The following THSD4 variants were observed in gnomAD, a reference collection of about 807,000 sequenced individuals.
THSD4 encodes thrombospondin type 1 domain containing 4.
Under a neutral mutation model 119.0 loss-of-function variants are expected in THSD4, and 69 were observed. The observed-to-expected ratio is 0.58, with a 90% confidence interval of 0.48 to 0.71. The LOEUF (loss-of-function observed/expected upper bound fraction) is 0.71, where lower values mean the gene tolerates loss of function less well. Among genes scored for constraint, THSD4 ranks in the 30% least tolerant of loss-of-function variants. The probability of loss-of-function intolerance (pLI) is 0.00; values close to 1 mark genes in which losing one functional copy is unlikely to be tolerated. For missense variants in THSD4, 1,393 were observed against 1,391.1 expected (o/e 1.00, Z -0.02); for synonymous variants, 524 against 540.4 (o/e 0.97, Z 0.42).
intron 8 of THSD4, among the ~76,000 whole-genome samples, chr15:71,678,876 C>T (rs1447808486): frequency 6.6e-6 from 1 of 152,320 alleles, no homozygotes; most frequent in South Asian, 2.1e-4. Context: ...CACCCTTTAA[C>T]TTTCTTTGTG....
chr15:71,247,625 T>A (rs961940515), intron 5 of THSD4, among the ~76,000 whole-genome samples: 19 of 151,904 alleles, frequency 1.3e-4, no homozygotes, highest in African/African-American at 4.6e-4. Context: ...CCCTTTGCAG[T>A]CCTGTAAGGG....
intron 6 of THSD4, among the ~76,000 whole-genome samples, chr15:71,349,699 T>A (rs2045719054): frequency 1.3e-5 from 2 of 152,198 alleles, no homozygotes; most frequent in African/African-American, 4.8e-5. Flanking sequence ...AGAACAAGAT[T>A]GCTGAGTTAG....
At position 71,500,482 on chromosome 15, in the gene THSD4, A is replaced by G. The variant is rs141725647; in HGVS notation, c.1152+88659A>G. Among the ~76,000 whole-genome samples the G allele has an allele frequency of 3.8e-4, 58 of 152,270 alleles. 1 individual carries two copies. The highest frequency in any genetic ancestry group is 1.4e-3 in the African/African-American group (57 of 41,554). Reference sequence around the variant, plus strand: ...CTGAGCAGAAGTTTTTAAGTTTGATATAATATCATTTGTCTATTTTTGTTT... The same window carrying G: ...CTGAGCAGAAGTTTTTAAGTTTGATGTAATATCATTTGTCTATTTTTGTTT... On this transcript the variant is annotated intron_variant, in intron 7 of 17. Transcript: ENST00000261862.
At chr15:71,256,168 G>T (rs1248891379) in intron 5 of THSD4, among the ~76,000 whole-genome samples, 1 of 152,166 alleles carries the variant, frequency 6.6e-6, no homozygotes, top group Non-Finnish European at 1.5e-5. Context: ...AGGTAGAAGA[G>T]GGCTGGTATT....
intron 6 of THSD4, among the ~76,000 whole-genome samples, chr15:71,322,459 G>A (rs1007292876): frequency 1.3e-5 from 2 of 152,072 alleles, no homozygotes; most frequent in Non-Finnish European, 2.9e-5. Flanking sequence ...CCTGATACGG[G>A]GTAATAGAAT....
intron 7 of THSD4, among the ~76,000 whole-genome samples, chr15:71,635,691 A>T (rs988208689): frequency 1.3e-5 from 2 of 152,174 alleles, no homozygotes; most frequent in Non-Finnish European, 2.9e-5. Flanking sequence ...AAAATCAAAT[A>T]CTAATTTTCT....
intron 6 of THSD4, among the ~76,000 whole-genome samples, chr15:71,273,554 C>T (rs1036375892): frequency 6.6e-6 from 1 of 152,004 alleles, no homozygotes; most frequent in African/African-American, 2.4e-5. Context: ...GTTCTCACCA[C>T]AAAGAAATAA....
intron 7 of THSD4, among the ~76,000 whole-genome samples, chr15:71,468,175 TCC>T (rs1014513528): frequency 5.9e-5 from 9 of 152,126 alleles, no homozygotes; most frequent in African/African-American, 2.2e-4. Flanking sequence ...AAAGGGGAGC[TCC>T]CATGCACACG....
At chr15:71,300,568 A>G (rs2044934830) in intron 6 of THSD4, among the ~76,000 whole-genome samples, 1 of 152,226 alleles carries the variant, frequency 6.6e-6, no homozygotes, top group African/African-American at 2.4e-5. Flanking sequence ...TAAATTCCTC[A>G]GCACATATTC....
chr15:71,577,735 T>TTTATTTTATTTTATTTTATTTTA (rs1567045075), intron 7 of THSD4, among the ~76,000 whole-genome samples: 54 of 150,226 alleles, frequency 3.6e-4, no homozygotes, highest in South Asian at 1.3e-3. Context: ...TTTATTTTAT[T>TTTATTTTATTTTATTTTATTTTA]TTTGAGACGG....
intron 3 of THSD4, among the ~76,000 whole-genome samples, chr15:71,181,081 C>T (rs11072258): frequency 0.87 from 131,894 of 152,196 alleles, 59,911 homozygotes; most frequent in East Asian, 1. Flanking sequence ...AAGAATAGCA[C>T]AGGGCGTGCA....
chr15:71,368,484 G>A (rs2045998635), intron 6 of THSD4, among the ~76,000 whole-genome samples: 1 of 152,220 alleles, frequency 6.6e-6, no homozygotes. Flanking sequence ...AAGGGATCCA[G>A]TTTCAGCTTT....
At chr15:71,635,309 C>T (rs1280943797) in intron 7 of THSD4, among the ~76,000 whole-genome samples, 1 of 152,092 alleles carries the variant, frequency 6.6e-6, no homozygotes, top group Non-Finnish European at 1.5e-5. Context: ...GACAAAAAGA[C>T]CCTTTCACAG....
At chr15:71,488,961 C>G (rs9672312) in intron 7 of THSD4, among the ~76,000 whole-genome samples, 310 of 152,284 alleles carry the variant, frequency 2.0e-3, no homozygotes, top group African/African-American at 7.1e-3. Flanking sequence ...TTTCTACCTT[C>G]AAATACCCAA....
chr15:71,332,763 G>A (rs2140375520), intron 6 of THSD4, among the ~76,000 whole-genome samples: 1 of 152,184 alleles, frequency 6.6e-6, no homozygotes, highest in East Asian at 1.9e-4. Flanking sequence ...AAATATTTGA[G>A]TGATGAATTC....
intron 7 of THSD4, among the ~76,000 whole-genome samples, chr15:71,486,473 C>T (rs80278457): frequency 0.19 from 28,399 of 152,080 alleles, 2,631 homozygotes; most frequent in Middle Eastern, 0.23. Context: ...TCCGTAAATG[C>T]CCATTCTCTC....
rs2053570606 is a variant in THSD4 at position 71,757,935 on chromosome 15, C to T, written c.2449C>T (p.Arg817Cys). 1 of 1,613,904 alleles carries T rather than the reference C, an allele frequency of 6.2e-7. No individual in the cohort carries two copies. The highest frequency in any genetic ancestry group is 8.5e-7 in the Non-Finnish European group (1 of 1,180,020). Reference sequence around the variant, plus strand: ...GGAGTGTGGGGCCGGAGTGCGGACACGCTCGGTGGTGTGCATGACCAACCA... The same window carrying T: ...GGAGTGTGGGGCCGGAGTGCGGACATGCTCGGTGGTGTGCATGACCAACCA... ...SAECGAGVRTRSVVCMTNHVS... is the reference protein window; with the variant it reads ...SAECGAGVRTCSVVCMTNHVS... The change falls in exon 15 of 18, where the codon CGC (arginine) becomes TGC (cysteine). Residue 817 changes from arginine to cysteine, a missense_variant. Transcript: ENST00000261862.
chr15:71,199,783 GGT>G (rs1480484769), intron 3 of THSD4, among the ~76,000 whole-genome samples: 2 of 97,934 alleles, frequency 2.0e-5, no homozygotes, highest in African/African-American at 8.4e-5. Flanking sequence ...GTGGTGTGTG[GGT>G]GTGTGCTGTG....
intron 3 of THSD4, among the ~76,000 whole-genome samples, chr15:71,162,835 T>C (rs1449971596): frequency 6.6e-6 from 1 of 152,050 alleles, no homozygotes; most frequent in Non-Finnish European, 1.5e-5. Flanking sequence ...TATTTCTTTT[T>C]TTCCTTCTGA....
Sources: gnomAD v4.1 joint callset for allele counts (sites outside exome capture counted in the v4.1 genomes callset) on GRCh38, gnomAD v4.1.1 for gene constraint, MANE v1.5 for transcripts, NCBI Gene and HGNC (gene_info 2026-07-23, HGNC 2026-07-21) for gene names.